The following ZNF512 variants were observed in gnomAD, a reference collection of about 807,000 sequenced individuals.
ZNF512 encodes the protein zinc finger protein 512.
In ZNF512, 25 loss-of-function variants were observed where a neutral mutation model predicts 77.5. That is an observed-to-expected ratio of 0.32 (90% CI 0.23 to 0.45). ZNF512 has a LOEUF of 0.45. Among genes scored for constraint, ZNF512 ranks in the 20% least tolerant of loss-of-function variants. The pLI, the probability that ZNF512 is intolerant of heterozygous loss-of-function variation, is 1.00. For missense variants in ZNF512, 483 were observed against 692.6 expected (o/e 0.70, Z 3.40); for synonymous variants, 246 against 239.9 (o/e 1.03, Z -0.24).
intron 10 of ZNF512, among the ~76,000 whole-genome samples, chr2:27,610,772 A>G (rs751321783): frequency 2.6e-4 from 39 of 150,202 alleles, no homozygotes; most frequent in Non-Finnish European, 4.6e-4. Flanking sequence ...GGGTTTTGCC[A>G]TGTTGCCCAG....
At chr2:27,583,286 C>A in intron 1 of ZNF512, 144 bp downstream of exon 1, 7 of 1,368,294 alleles carry the variant, frequency 5.1e-6, no homozygotes, top group Non-Finnish European at 7.2e-6. Context: ...TCACCTGTCC[C>A]TTTTTCTTTA....
intron 3 of ZNF512, among the ~76,000 whole-genome samples, chr2:27,599,268 A>G (rs548427418): frequency 1.3e-5 from 2 of 152,284 alleles, no homozygotes; most frequent in South Asian, 2.1e-4. Context: ...CTAGCCCTCT[A>G]TCTTGAGCAA....
intron 10 of ZNF512, among the ~76,000 whole-genome samples, chr2:27,610,853 T>G (rs975807239): frequency 1.3e-5 from 2 of 151,748 alleles, no homozygotes; most frequent in Non-Finnish European, 2.9e-5. Flanking sequence ...ATTACAGGCG[T>G]GAGCTACTGT....
chr2:27,599,539 C>A, intron 3 of ZNF512, 44 bp from the exon 4 acceptor site: 1 of 1,464,720 alleles, frequency 6.8e-7, no homozygotes, highest in Non-Finnish European at 9.6e-7. Context: ...TGTTCATTTA[C>A]AAAGTGTGCT....
chr2:27,599,357 A>G (rs1672016027), intron 3 of ZNF512, among the ~76,000 whole-genome samples: 2 of 152,050 alleles, frequency 1.3e-5, no homozygotes, highest in African/African-American at 2.4e-5. Context: ...ATAAGGAACA[A>G]TGGATGATTT....
At chr2:27,583,570 C>T in intron 1 of ZNF512, 88 bp from the exon 2 acceptor site, 1 of 1,557,486 alleles carries the variant, frequency 6.4e-7, no homozygotes, top group South Asian at 1.2e-5. Flanking sequence ...GGGAGAACTT[C>T]ATTTCTTCTG....
At chr2:27,590,158 A>T (rs1671509871) in intron 2 of ZNF512, among the ~76,000 whole-genome samples, 1 of 152,188 alleles carries the variant, frequency 6.6e-6, no homozygotes, top group African/African-American at 2.4e-5. Context: ...GAGGTCTTAA[A>T]TTTTCTGCTA....
chr2:27,599,906 AG>A, intron 4 of ZNF512, 63 bp from the exon 5 acceptor site: 1 of 1,557,680 alleles, frequency 6.4e-7, no homozygotes, highest in Non-Finnish European at 8.8e-7. Flanking sequence ...AGAGGAGGAG[AG>A]GGAAGAGATT....
chr2:27,584,129 A>G (rs1342303716), intron 2 of ZNF512, among the ~76,000 whole-genome samples: 2 of 152,220 alleles, frequency 1.3e-5, no homozygotes, highest in African/African-American at 4.8e-5. Context: ...GCTCGTGGCT[A>G]TCGGATTGGA....
At chr2:27,583,562 G>T in intron 1 of ZNF512, 96 bp from the exon 2 acceptor site, 2 of 1,547,862 alleles carry the variant, frequency 1.3e-6, no homozygotes, top group East Asian at 2.4e-5. Flanking sequence ...GTTTCCCCGG[G>T]AGAACTTCAT....
intron 12 of ZNF512, among the ~76,000 whole-genome samples, chr2:27,616,557 T>A (rs1252294888): frequency 6.6e-6 from 1 of 152,172 alleles, no homozygotes; most frequent in Non-Finnish European, 1.5e-5. Flanking sequence ...TTAAAGGAAT[T>A]GGAAGAAACA....
chr2:27,590,166 C>T (rs1446230606), intron 2 of ZNF512, among the ~76,000 whole-genome samples: 4 of 152,138 alleles, frequency 2.6e-5, no homozygotes, highest in African/African-American at 9.7e-5. Flanking sequence ...AAATTTTCTG[C>T]TAAGATTGTG....
chr2:27,597,992 G>A, intron 2 of ZNF512, 75 bp from the exon 3 acceptor site: 2 of 1,282,638 alleles, frequency 1.6e-6, no homozygotes, highest in Non-Finnish European at 2.1e-6. Context: ...AACCAACTTG[G>A]TTATAATGTA....
At chr2:27,600,082 A>ATG (rs2148019299) in intron 5 of ZNF512, 29 bp downstream of exon 5, 1 of 1,605,946 alleles carries the variant, frequency 6.2e-7, no homozygotes, top group African/African-American at 1.3e-5. Flanking sequence ...GTTTTGAGGG[A>ATG]TGTAGTTCTC....
At position 27,621,435 on chromosome 2, in the gene ZNF512, A is replaced by G. The variant is rs1278542604; in HGVS notation, c.1678A>G (p.Thr560Ala). The change falls in exon 14 of 14, where the codon ACT becomes GCT. Residue 560 changes from threonine to alanine, a missense_variant. By Grantham distance (58) the Thr-to-Ala change is moderately conservative. Coordinates refer to ENST00000355467, the MANE Select transcript of ZNF512 (RefSeq NM_032434.4). ...AQFQKVKPPK[T>A]NHKRGRK ...GTTCCAGAAAGTAAAGCCCCCAAAG[A>G]CTAATCATAAACGAGGAAGGAAATA... is the stretch of plus-strand genomic sequence containing the variant. 1 of 1,612,170 alleles carries G rather than the reference A, an allele frequency of 6.2e-7. No individual in the cohort carries two copies. The highest frequency in any genetic ancestry group is 1.7e-5 in the Admixed American group (1 of 59,936).
chr2:27,606,012 C>T (rs1230007250), intron 9 of ZNF512, among the ~76,000 whole-genome samples: 2 of 152,124 alleles, frequency 1.3e-5, no homozygotes, highest in East Asian at 3.9e-4. Context: ...CTAATAGGTA[C>T]GTAGTAGTAC....
intron 2 of ZNF512, among the ~76,000 whole-genome samples, chr2:27,588,706 G>A (rs1671443520): frequency 6.6e-6 from 1 of 151,842 alleles, no homozygotes; most frequent in Non-Finnish European, 1.5e-5. Flanking sequence ...TCAGTTCTTT[G>A]CGTTTTTATA....
intron 7 of ZNF512, among the ~76,000 whole-genome samples, chr2:27,601,966 T>C (rs946441323): frequency 6.6e-6 from 1 of 152,158 alleles, no homozygotes; most frequent in African/African-American, 2.4e-5. Flanking sequence ...GTATTTTTAG[T>C]AGAGACTGAG....
intron 2 of ZNF512, among the ~76,000 whole-genome samples, chr2:27,585,949 G>A (rs1223819453): frequency 6.6e-6 from 1 of 152,128 alleles, no homozygotes; most frequent in Non-Finnish European, 1.5e-5. Flanking sequence ...TAAAATACTT[G>A]AGAATTGTTT....
Sources: allele counts gnomAD v4.1 joint callset (sites outside exome capture counted in the v4.1 genomes callset), GRCh38; gene constraint gnomAD v4.1.1; transcripts MANE v1.5; gene names NCBI Gene and HGNC (gene_info 2026-07-23, HGNC 2026-07-21).